Variants in SRGAP3 observed in about 807,000 individuals in gnomAD.
SRGAP3 encodes the protein SLIT-ROBO Rho GTPase activating protein 3.
A neutral mutation model predicts 121.1 loss-of-function variants in SRGAP3; 39 were observed. That is an observed-to-expected ratio of 0.32 (90% CI 0.25 to 0.42). The LOEUF is 0.42. SRGAP3 is among the 10% of genes least tolerant of loss of function. The pLI, the probability that SRGAP3 is intolerant of heterozygous loss-of-function variation, is 1.00. For missense variants in SRGAP3, 1,213 were observed against 1,470.6 expected, an observed-to-expected ratio of 0.82 and a Z score of 2.86; for synonymous variants, 601 against 570.0, an observed-to-expected ratio of 1.05 and a Z score of -0.77.
chr3:9,283,356 C>A (rs1954714333), intron 3 of SRGAP3, among the ~76,000 whole-genome samples: 1 of 152,142 alleles, frequency 6.6e-6, no homozygotes, highest in African/African-American at 2.4e-5. Context: ...TGGATTTTTT[C>A]TTATGCATGA....
At chr3:8,993,204 G>A in intron 19 of SRGAP3, 149 bp from the exon 20 acceptor site, 1 of 1,296,446 alleles carries the variant, frequency 7.7e-7, no homozygotes, top group Non-Finnish European at 1.1e-6. Context: ...TGCCCACTGG[G>A]TGCCTTCCCA....
At chr3:9,019,681 C>T (rs1400735515) in intron 14 of SRGAP3, among the ~76,000 whole-genome samples, 1 of 152,236 alleles carries the variant, frequency 6.6e-6, no homozygotes, top group Non-Finnish European at 1.5e-5. Flanking sequence ...GCCAGAGCCT[C>T]CCTAGCCCCA....
At chr3:9,214,129 C>G (rs1437610700) in intron 1 of SRGAP3, among the ~76,000 whole-genome samples, 1 of 151,462 alleles carries the variant, frequency 6.6e-6, no homozygotes, top group Non-Finnish European at 1.5e-5. Context: ...CACACACACA[C>G]ACACACACAC....
At chr3:9,103,317 C>A (rs1049531538) in intron 3 of SRGAP3, among the ~76,000 whole-genome samples, 8 of 152,148 alleles carry the variant, frequency 5.3e-5, no homozygotes, top group African/African-American at 1.9e-4. Context: ...GAGCTAGATT[C>A]TTTTGGTAAT....
chr3:8,993,114 A>T, intron 19 of SRGAP3, 59 bp from the exon 20 acceptor site: 1 of 1,607,842 alleles, frequency 6.2e-7, no homozygotes, highest in South Asian at 1.1e-5. Context: ...CAGCATATAC[A>T]GAGCTCCCTG....
intron 3 of SRGAP3, among the ~76,000 whole-genome samples, chr3:9,285,662 G>A (rs2125267491): frequency 6.6e-6 from 1 of 152,110 alleles, no homozygotes; most frequent in Middle Eastern, 3.4e-3. Flanking sequence ...CAGTTGTGGT[G>A]GCATGTGCCT....
chr3:9,048,638 T>C (rs1218373023), intron 9 of SRGAP3, among the ~76,000 whole-genome samples: 1 of 151,930 alleles, frequency 6.6e-6, no homozygotes, highest in African/African-American at 2.4e-5. Context: ...CTGGGCAACA[T>C]AGCAAGACCA....
At chr3:9,208,972 A>G (rs963848435) in intron 1 of SRGAP3, among the ~76,000 whole-genome samples, 1 of 152,244 alleles carries the variant, frequency 6.6e-6, no homozygotes, top group African/African-American at 2.4e-5. Flanking sequence ...ATCCAGACTC[A>G]CTTCTCAGAT....
intron 3 of SRGAP3, among the ~76,000 whole-genome samples, chr3:9,289,045 C>T (rs552204329): frequency 4.6e-5 from 7 of 152,064 alleles, no homozygotes; most frequent in East Asian, 1.9e-4. Flanking sequence ...TACAGGCATG[C>T]GCCATCAAGC....
intron 1 of SRGAP3, among the ~76,000 whole-genome samples, chr3:9,190,422 G>C (rs754867247): frequency 6.6e-6 from 1 of 152,186 alleles, no homozygotes; most frequent in Non-Finnish European, 1.5e-5. Flanking sequence ...CCATGGTCTC[G>C]AGTATGACAG....
At chr3:9,175,032 T>C (rs1489184010) in intron 1 of SRGAP3, among the ~76,000 whole-genome samples, 2 of 152,034 alleles carry the variant, frequency 1.3e-5, no homozygotes, top group East Asian at 3.9e-4. Context: ...TGGGCCTCAT[T>C]CCCACAGTCC....
At chr3:9,178,011 T>C (rs1951241873) in intron 1 of SRGAP3, among the ~76,000 whole-genome samples, 1 of 152,178 alleles carries the variant, frequency 6.6e-6, no homozygotes, top group Non-Finnish European at 1.5e-5. Context: ...CTCACACCTG[T>C]AATCCTAGCA....
intron 3 of SRGAP3, among the ~76,000 whole-genome samples, chr3:9,288,863 A>G (rs900952920): frequency 6.6e-6 from 1 of 151,988 alleles, no homozygotes; most frequent in African/African-American, 2.4e-5. Context: ...GGTATGAGCC[A>G]CTATGCCTGG....
intron 3 of SRGAP3, among the ~76,000 whole-genome samples, chr3:9,270,528 G>A (rs1466656293): frequency 2.6e-5 from 4 of 152,088 alleles, no homozygotes; most frequent in Non-Finnish European, 5.9e-5. Context: ...TAATCGACTT[G>A]TGCATTTAAT....
At chr3:9,128,068 A>AC (rs1368582908) in intron 1 of SRGAP3, among the ~76,000 whole-genome samples, 2 of 152,074 alleles carry the variant, frequency 1.3e-5, no homozygotes, top group African/African-American at 4.8e-5. Context: ...AAAAAAAAAA[A>AC]ATTCAGAATA....
At chr3:9,056,446 C>G (rs1184780304) in intron 7 of SRGAP3, 112 bp from the exon 8 acceptor site, 6 of 1,174,260 alleles carry the variant, frequency 5.1e-6, no homozygotes, top group African/African-American at 3.0e-5. Context: ...AACAGGGGCT[C>G]GGAAAGGTTG....
chr3:9,064,349 C>G (rs774222436), intron 5 of SRGAP3, 47 bp downstream of exon 5: 1 of 1,613,042 alleles, frequency 6.2e-7, no homozygotes, highest in Non-Finnish European at 8.5e-7. Context: ...TGGCCCTCCC[C>G]TTTGTGCCCT....
At chr3:9,339,826 G>T (rs1187004895) in intron 1 of SRGAP3, among the ~76,000 whole-genome samples, 2 of 152,194 alleles carry the variant, frequency 1.3e-5, no homozygotes, top group African/African-American at 4.8e-5. Flanking sequence ...TCTGGGGCAT[G>T]ATGCAGGAAG....
At chr3:9,212,242 C>T (rs957967073) in intron 1 of SRGAP3, among the ~76,000 whole-genome samples, 4 of 152,170 alleles carry the variant, frequency 2.6e-5, no homozygotes, top group Non-Finnish European at 4.4e-5. Context: ...GTCCATAAAC[C>T]ACGCTGGTCC....
Sources: allele counts gnomAD v4.1 joint callset (sites outside exome capture counted in the v4.1 genomes callset), GRCh38; gene constraint gnomAD v4.1.1; transcripts MANE v1.5; gene names NCBI Gene and HGNC (gene_info 2026-07-23, HGNC 2026-07-21).